CDC27: variants seen among roughly 807,000 people sequenced by gnomAD.
CDC27 encodes the protein cell division cycle 27, also known as cell division cycle protein 27 homolog.
In CDC27, 27 loss-of-function variants were observed where a neutral mutation model predicts 109.7. The ratio of observed to expected loss-of-function variants is 0.25; its 90% CI spans 0.18 to 0.34. The LOEUF is 0.34. Among genes scored for constraint, CDC27 ranks in the 10% least tolerant of loss-of-function variants. The pLI is 1.00. For missense variants in CDC27, 579 were observed against 960.2 expected (o/e 0.60, Z 5.25); for synonymous variants, 266 against 333.9 (o/e 0.80, Z 2.22).
At chr17:47,154,860 A>C in intron 7 of CDC27, 74 bp from the exon 8 acceptor site, 1 of 702,238 alleles carries the variant, frequency 1.4e-6, no homozygotes, top group African/African-American at 1.8e-5. Context: ...CTTAAATTAG[A>C]AGGTCTAAAA....
At chr17:47,145,788 C>T (rs2062939702) in intron 9 of CDC27, among the ~76,000 whole-genome samples, 1 of 151,930 alleles carries the variant, frequency 6.6e-6, no homozygotes, top group Admixed American at 6.5e-5. Context: ...GTAATCCCAG[C>T]CACTCGCGGG....
At chr17:47,147,331 G>A (rs574301179) in intron 9 of CDC27, among the ~76,000 whole-genome samples, 425 of 151,376 alleles carry the variant, frequency 2.8e-3, no homozygotes, top group Non-Finnish European at 3.8e-3. Context: ...CCCGGGAGGC[G>A]GAGCTTGCAG....
At chr17:47,142,903 T>C (rs1285053395) in intron 10 of CDC27, among the ~76,000 whole-genome samples, 1 of 152,118 alleles carries the variant, frequency 6.6e-6, no homozygotes, top group Non-Finnish European at 1.5e-5. Context: ...CTCGAACTCC[T>C]GACCTTAGGT....
chr17:47,128,055 CAG>C (rs1382967745), intron 16 of CDC27, among the ~76,000 whole-genome samples: 1 of 151,514 alleles, frequency 6.6e-6, no homozygotes, highest in Non-Finnish European at 1.5e-5. Flanking sequence ...TTTTGTGAGA[CAG>C]AGTGTTGCTG....
Position 47,170,034 on chromosome 17 carries a change from T to C in CDC27, c.260A>G (p.Glu87Gly). The C allele has an allele frequency of 1.3e-6, 2 of 1,516,446 alleles. No homozygotes were observed. Among genetic ancestry groups the C allele is most frequent in the Non-Finnish European group, 1.8e-6 (2 of 1,135,870 alleles). 93.9% of individuals were successfully genotyped at this position (1,516,446 alleles called of 1,614,324 possible). ...KCCVDLSKLA[E>G]GEQILSGGVF... ...TCCACCAGATAAGATTTGTTCCCCT[T>C]CTGCAAGCCTTTAAAATACAAATTT... The change falls in exon 4 of 19, where the codon GAA becomes GGA. Residue 87 changes from glutamate (E) to glycine (G), a missense_variant. Glu to Gly is a moderately conservative substitution (Grantham distance 98, BLOSUM62 -2). Transcript: ENST00000066544.
At chr17:47,174,141 A>G (rs1456527579) in intron 2 of CDC27, among the ~76,000 whole-genome samples, 1 of 152,246 alleles carries the variant, frequency 6.6e-6, no homozygotes, top group Non-Finnish European at 1.5e-5. Flanking sequence ...AAGCAAATCC[A>G]GAGCAATCTG....
chr17:47,162,131 GACTCAAAAATCCT>G (rs1286035151), intron 4 of CDC27: 1 of 152,128 alleles, frequency 6.6e-6, no homozygotes, highest in Non-Finnish European at 1.5e-5. Context: ...CAAGTTTACA[GACTCAAAAATCCT>G]ACTTAGAGAT....
At chr17:47,174,881 G>A (rs920844610) in intron 2 of CDC27, among the ~76,000 whole-genome samples, 2 of 151,988 alleles carry the variant, frequency 1.3e-5, no homozygotes, top group African/African-American at 2.4e-5. Flanking sequence ...ACTTAAACCC[G>A]GGAGGCAGTG....
chr17:47,182,415 A>T (rs111634577), intron 1 of CDC27, among the ~76,000 whole-genome samples: 255 of 152,318 alleles, frequency 1.7e-3, no homozygotes, highest in African/African-American at 5.7e-3. Context: ...AATATCTCTG[A>T]AACTCCCTGT....
intron 1 of CDC27, among the ~76,000 whole-genome samples, chr17:47,186,679 G>A (rs1718433675): frequency 6.6e-6 from 1 of 152,144 alleles, no homozygotes. Context: ...ATACTCTTCT[G>A]AGAGGTAGTA....
chr17:47,150,539 C>T (rs2063122737), intron 9 of CDC27, among the ~76,000 whole-genome samples: 1 of 152,168 alleles, frequency 6.6e-6, no homozygotes, highest in African/African-American at 2.4e-5. Context: ...AGGAAAAATC[C>T]TCCTCTAAAG....
intron 1 of CDC27, among the ~76,000 whole-genome samples, chr17:47,185,595 C>G (rs1567729465): frequency 6.6e-6 from 1 of 152,010 alleles, no homozygotes; most frequent in African/African-American, 2.4e-5. Context: ...AAAAAGCTGT[C>G]TTTATTTTAT....
intron 13 of CDC27, among the ~76,000 whole-genome samples, chr17:47,137,581 T>C (rs978398740): frequency 6.6e-6 from 1 of 152,220 alleles, no homozygotes. Flanking sequence ...AGTGCTTTCA[T>C]AGTCATCAAA....
intron 9 of CDC27, among the ~76,000 whole-genome samples, chr17:47,150,107 G>A (rs1280879399): frequency 6.6e-6 from 1 of 152,176 alleles, no homozygotes; most frequent in Admixed American, 6.5e-5. Flanking sequence ...TAAGAGAGGA[G>A]CACGAAAGTA....
chr17:47,171,791 C>A (rs548328207), intron 3 of CDC27, 126 bp downstream of exon 3: 5 of 634,692 alleles, frequency 7.9e-6, no homozygotes, highest in South Asian at 4.2e-5. Flanking sequence ...GTAAACATTT[C>A]GAATGTTACT....
chr17:47,141,318 G>T (rs1308966722), intron 12 of CDC27, among the ~76,000 whole-genome samples: 1 of 152,052 alleles, frequency 6.6e-6, no homozygotes, highest in Non-Finnish European at 1.5e-5. Context: ...TTGGGAATTA[G>T]AATTTTCTTT....
At position 47,143,943 on chromosome 17, in the gene CDC27, G is replaced by T; in HGVS notation, c.1110C>A (p.Pro370=). The change falls in exon 10 of 19, where the codon CCC becomes CCA. Residue 370 remains proline, a synonymous_variant. Transcript: ENST00000066544. The part of the protein sequence containing the change: ...PQVLSPTITS[P]PNALPRRSSR... ...AACTTCTTCGAGGCAGTGCGTTTGGGGGAGATGTAATAGTGGGGCTCAATA... is the reference window on the plus strand; with the variant it reads ...AACTTCTTCGAGGCAGTGCGTTTGGTGGAGATGTAATAGTGGGGCTCAATA... 1 of 1,493,086 alleles carries T rather than the reference G, an allele frequency of 6.7e-7. No homozygotes were observed. Among genetic ancestry groups the T allele is most frequent in the Non-Finnish European group, 9.0e-7 (1 of 1,114,196 alleles). The allele number at this position is 1,493,086 out of a possible 1,614,324, so 92.5% of individuals were successfully genotyped here. A position where few individuals can be genotyped will look rare whatever the true frequency, so the allele number is the denominator to read the frequency against.
intron 8 of CDC27, among the ~76,000 whole-genome samples, chr17:47,153,491 A>C (rs1240589846): frequency 6.6e-6 from 1 of 152,230 alleles, no homozygotes; most frequent in African/African-American, 2.4e-5. Context: ...TCACTCACTA[A>C]GGAGTTATTA....
Position 47,138,845 on chromosome 17 carries a change from A to G in CDC27, c.1598T>C (p.Val533Ala). 1 of 1,606,296 alleles carries G rather than the reference A, an allele frequency of 6.2e-7. No homozygotes were observed. The highest frequency in any genetic ancestry group is 8.5e-7 in the Non-Finnish European group (1 of 1,174,608). The change falls in exon 13 of 19, where the codon GTT (valine) becomes GCT (alanine). Residue 533 changes from valine to alanine, a missense_variant. By Grantham distance (64) the Val-to-Ala change is moderately conservative. This residue lies in a region of CDC27 where 227 missense variants were observed against 363.6 expected (regional missense o/e 0.62). Transcript: ENST00000066544. ...TGTAGAGTAGATCTCCATGCCTTCAACTCTATAATTCTCAATCCTTCTAAC... is the reference window on the plus strand; with the variant it reads ...TGTAGAGTAGATCTCCATGCCTTCAGCTCTATAATTCTCAATCCTTCTAAC... ...SEVRRIENYR[V>A]EGMEIYSTTL...
Sources: allele counts gnomAD v4.1 joint callset (sites outside exome capture counted in the v4.1 genomes callset), GRCh38; gene constraint gnomAD v4.1.1; regional missense constraint gnomAD v4.1.1; transcripts MANE v1.5; gene names NCBI Gene and HGNC (gene_info 2026-07-23, HGNC 2026-07-21).